Variants in CNTN4 observed in about 807,000 individuals in gnomAD.
CNTN4 encodes the protein contactin 4, also known as contactin-4.
A neutral mutation model predicts 122.5 loss-of-function variants in CNTN4; 77 were observed. That is an observed-to-expected ratio of 0.63 (90% confidence interval 0.52 to 0.76). The LOEUF is 0.76. Ranked by LOEUF, CNTN4 falls within the 30% of genes least tolerant of loss-of-function variation. CNTN4 has a pLI of 0.00. For missense variants in CNTN4, 1,256 were observed against 1,259.1 expected (o/e 1.00, Z 0.04); for synonymous variants, 512 against 447.0 (o/e 1.15, Z -1.83).
intron 4 of CNTN4, among the ~76,000 whole-genome samples, chr3:2,693,942 A>G (rs1008686510): frequency 1.2e-4 from 18 of 152,148 alleles, no homozygotes; most frequent in African/African-American, 3.9e-4. Context: ...ATTATTAGAC[A>G]CATTCTTCTT....
chr3:2,169,554 CG>C (rs1253848930), intron 2 of CNTN4, among the ~76,000 whole-genome samples: 66 of 150,574 alleles, frequency 4.4e-4, no homozygotes, highest in African/African-American at 1.0e-3. Flanking sequence ...CTACAGGCGC[CG>C]CCACCACGCC....
At chr3:2,831,630 A>G (rs1402373052) in intron 7 of CNTN4, among the ~76,000 whole-genome samples, 2 of 152,198 alleles carry the variant, frequency 1.3e-5, no homozygotes, top group African/African-American at 2.4e-5. Flanking sequence ...CATTATCACA[A>G]TCTTCACTGT....
chr3:2,743,516 A>G (rs1168938987), intron 5 of CNTN4, among the ~76,000 whole-genome samples: 1 of 152,146 alleles, frequency 6.6e-6, no homozygotes, highest in Non-Finnish European at 1.5e-5. Context: ...TCTTGTTTCT[A>G]AATTGTTACA....
chr3:3,051,652 T>C (rs541719378), intron 23 of CNTN4, among the ~76,000 whole-genome samples: 1 of 152,320 alleles, frequency 6.6e-6, no homozygotes, highest in African/African-American at 2.4e-5. Context: ...CTGGGTCTGA[T>C]ACAACTGATG....
At chr3:2,400,430 T>TATATATATATATATATATAC (rs1559519997) in intron 3 of CNTN4, among the ~76,000 whole-genome samples, 12 of 68,548 alleles carry the variant, frequency 1.8e-4, no homozygotes, top group East Asian at 5.7e-4. Context: ...TATATATACA[T>TATATATATATATATATATAC]ATATATATAT....
At chr3:2,204,376 G>T (rs1221106381) in intron 2 of CNTN4, among the ~76,000 whole-genome samples, 1 of 152,110 alleles carries the variant, frequency 6.6e-6, no homozygotes, top group African/African-American at 2.4e-5. Context: ...TAACTACGCA[G>T]AAAAATAATA....
chr3:2,993,139 A>T (rs961020708), intron 14 of CNTN4, among the ~76,000 whole-genome samples: 5 of 152,108 alleles, frequency 3.3e-5, no homozygotes, highest in Non-Finnish European at 5.9e-5. Context: ...AACCAAAAGA[A>T]CAATAATATT....
At chr3:3,022,023 G>A (rs1250453573) in intron 14 of CNTN4, among the ~76,000 whole-genome samples, 3 of 147,972 alleles carry the variant, frequency 2.0e-5, no homozygotes, top group Non-Finnish European at 4.4e-5. Flanking sequence ...TCAGGAGCTC[G>A]AGACCAGCCG....
intron 13 of CNTN4, among the ~76,000 whole-genome samples, chr3:2,966,496 A>G (rs1692323219): frequency 6.6e-6 from 1 of 152,176 alleles, no homozygotes; most frequent in Admixed American, 6.6e-5. Context: ...GGGGTGGAAA[A>G]GGGGTGATAG....
rs1002311292 is a variant in CNTN4 at position 2,998,217 on chromosome 3, A to G, written c.1486+9745A>G. Reference sequence around the variant, plus strand: ...TCATGTGTAAGACAAAGGAAATTAAATTATAATGACCAGTATAGTTGATGA... The same window carrying G: ...TCATGTGTAAGACAAAGGAAATTAAGTTATAATGACCAGTATAGTTGATGA... On this transcript the variant is annotated intron_variant, in intron 14 of 24. Coordinates refer to ENST00000418658, the MANE Select transcript of CNTN4 (RefSeq NM_175607.3). 5.1e-4 allele frequency among the ~76,000 whole-genome samples: 78 copies of G among 152,216 alleles called. 1 individual carries two copies. Among genetic ancestry groups the G allele is most frequent in the Non-Finnish European group, 2.1e-4 (14 of 68,022 alleles).
intron 4 of CNTN4, among the ~76,000 whole-genome samples, chr3:2,734,854 A>T (rs2088965578): frequency 6.6e-6 from 1 of 152,198 alleles, no homozygotes; most frequent in African/African-American, 2.4e-5. Flanking sequence ...CCTTCAAAAT[A>T]ATCACATATA....
At chr3:2,278,297 T>C (rs911530172) in intron 2 of CNTN4, among the ~76,000 whole-genome samples, 5 of 152,228 alleles carry the variant, frequency 3.3e-5, no homozygotes, top group African/African-American at 1.2e-4. Flanking sequence ...TTTTCATGAA[T>C]GGCTTAGTCT....
chr3:2,628,914 AG>A (rs2082309676), intron 4 of CNTN4, among the ~76,000 whole-genome samples: 1 of 152,210 alleles, frequency 6.6e-6, no homozygotes, highest in African/African-American at 2.4e-5. Context: ...GTCTGAGAAA[AG>A]CTTCCCCAGT....
intron 2 of CNTN4, among the ~76,000 whole-genome samples, chr3:2,216,628 T>C (rs1454995367): frequency 6.6e-6 from 1 of 152,204 alleles, no homozygotes; most frequent in Non-Finnish European, 1.5e-5. Flanking sequence ...AATATTTTGT[T>C]AATGAAACTA....
chr3:2,197,695 G>T (rs1235699063), intron 2 of CNTN4, among the ~76,000 whole-genome samples: 1 of 152,052 alleles, frequency 6.6e-6, no homozygotes, highest in South Asian at 2.1e-4. Context: ...AATGAGAGAT[G>T]ATGGATATAG....
intron 7 of CNTN4, among the ~76,000 whole-genome samples, chr3:2,840,429 G>A (rs565276484): frequency 2.6e-4 from 39 of 151,650 alleles, no homozygotes; most frequent in South Asian, 6.3e-4. Context: ...GGGCCGGCGC[G>A]GTGGCTCACG....
intron 4 of CNTN4, among the ~76,000 whole-genome samples, chr3:2,670,957 G>T (rs1357405705): frequency 6.6e-6 from 1 of 152,226 alleles, no homozygotes; most frequent in African/African-American, 2.4e-5. Context: ...TCTGCGGAGA[G>T]ATCAGCTGTT....
chr3:2,538,856 C>G (rs774013113), intron 3 of CNTN4, among the ~76,000 whole-genome samples: 23 of 151,910 alleles, frequency 1.5e-4, no homozygotes, highest in Admixed American at 4.6e-4. Flanking sequence ...CACACACAGA[C>G]ACACACCCAC....
chr3:2,223,951 C>G (rs1370165232), intron 2 of CNTN4, among the ~76,000 whole-genome samples: 1 of 151,938 alleles, frequency 6.6e-6, no homozygotes, highest in African/African-American at 2.4e-5. Flanking sequence ...GAATTTGGGG[C>G]TTCTTGGGGG....
Sources: allele counts gnomAD v4.1 joint callset (sites outside exome capture counted in the v4.1 genomes callset), GRCh38; gene constraint gnomAD v4.1.1; transcripts MANE v1.5; gene names NCBI Gene and HGNC (gene_info 2026-07-23, HGNC 2026-07-21).